The following SHANK2 variants were observed in gnomAD, a reference collection of about 807,000 sequenced individuals.
SHANK2 encodes the protein SH3 and multiple ankyrin repeat domains 2.
A neutral mutation model predicts 133.7 loss-of-function variants in SHANK2; 43 were observed. The observed-to-expected ratio is 0.32, with a 90% CI of 0.25 to 0.41. SHANK2 has a LOEUF of 0.41. SHANK2 is among the 10% of genes least tolerant of loss of function. SHANK2 has a pLI of 1.00. For synonymous variants in SHANK2, 1,017 were observed against 952.8 expected (o/e 1.07, Z -1.24); for missense variants, 1,994 against 2,235.8 (o/e 0.89, Z 2.18).
intron 15 of SHANK2, among the ~76,000 whole-genome samples, chr11:70,679,030 G>A (rs747199422): frequency 2.6e-4 from 40 of 152,132 alleles, no homozygotes; most frequent in African/African-American, 5.5e-4. Context: ...TTCCTCCCCC[G>A]CCCTCACATG....
At chr11:70,575,986 T>C (rs542919941) in intron 17 of SHANK2, among the ~76,000 whole-genome samples, 36 of 152,104 alleles carry the variant, frequency 2.4e-4, no homozygotes, top group Admixed American at 1.8e-3. Flanking sequence ...CACCTGAGCA[T>C]TGAGAGTCAG....
chr11:70,889,318 C>T (rs1479997370), intron 11 of SHANK2, among the ~76,000 whole-genome samples: 1 of 152,178 alleles, frequency 6.6e-6, no homozygotes, highest in Non-Finnish European at 1.5e-5. Flanking sequence ...AGGAAGGATT[C>T]CTCCCTTGGG....
chr11:70,695,861 C>G (rs1945381296), intron 15 of SHANK2, among the ~76,000 whole-genome samples: 1 of 152,226 alleles, frequency 6.6e-6, no homozygotes, highest in Non-Finnish European at 1.5e-5. Flanking sequence ...ATGAGGCCCA[C>G]AGCTTGTCTG....
At chr11:70,544,522 C>G (rs775066731) in intron 17 of SHANK2, among the ~76,000 whole-genome samples, 15 of 152,158 alleles carry the variant, frequency 9.9e-5, no homozygotes, top group Non-Finnish European at 1.5e-4. Context: ...GTATGGTTCA[C>G]CAGGGCCCAA....
Position 71,201,703 on chromosome 11 carries a change from G to A in SHANK2, c.-13+22994C>T, listed in dbSNP as rs568716194. On this transcript the variant is annotated intron_variant, in intron 2 of 25. Transcript: ENST00000601538. ...TTCACGGCCACAGAGTGGGTACAAA[G>A]CAGAGACTTGTCCACGCCCAGCACA... 2.6e-5 allele frequency among the ~76,000 whole-genome samples: 4 copies of A among 152,330 alleles called. No homozygotes were observed. In the South Asian group the frequency reaches 8.3e-4, roughly 32 times the overall value.
intron 11 of SHANK2, among the ~76,000 whole-genome samples, chr11:70,845,358 G>A (rs142974474): frequency 5.9e-5 from 9 of 152,272 alleles, no homozygotes; most frequent in Admixed American, 3.9e-4. Context: ...ATAATTTCAC[G>A]CTGAAGGACT....
At position 70,890,528 on chromosome 11, in the gene SHANK2, G is replaced by T. The variant is rs555595295; in HGVS notation, c.1174+5973C>A. 7.3e-5 allele frequency among the ~76,000 whole-genome samples: 11 copies of T among 151,686 alleles called. No individual in the cohort carries two copies. In the South Asian group the frequency reaches 2.3e-3, roughly 32 times the overall value. On this transcript the variant is annotated intron_variant, in intron 11 of 25. Transcript: ENST00000601538. ...AAACAAAAAAACAGAGGCCAGGCAT[G>T]GTGGCTCAGGCCTGTAATCCCAGTA...
At chr11:70,583,697 G>A (rs906494518) in intron 17 of SHANK2, among the ~76,000 whole-genome samples, 8 of 152,166 alleles carry the variant, frequency 5.3e-5, no homozygotes, top group Admixed American at 2.6e-4. Context: ...TCCACTCCAC[G>A]CTCACTGTCA....
rs191865894 is a variant in SHANK2, at chr11:70,955,251, C to T, written c.1108-58684G>A. Among the ~76,000 whole-genome samples, 10 of 152,224 alleles carry T rather than the reference C, an allele frequency of 6.6e-5. No homozygotes were observed. In the East Asian group the frequency reaches 1.5e-3, roughly 24 times the overall value. On this transcript the variant is annotated intron_variant, in intron 10 of 25. Coordinates refer to ENST00000601538, the MANE Select transcript of SHANK2 (RefSeq NM_012309.5). ...CCTGGAGACCGACAGAATGACAGCA[C>T]GTGGGGAGAAGGCTGCCCTCTCCAA...
intron 15 of SHANK2, among the ~76,000 whole-genome samples, chr11:70,686,055 C>A (rs1337533914): frequency 6.8e-6 from 1 of 146,058 alleles, no homozygotes; most frequent in Non-Finnish European, 1.5e-5. Flanking sequence ...ATCCACACAC[C>A]CATCCAGCTC....
chr11:70,946,334 G>GCTC (rs1950733964), intron 10 of SHANK2, among the ~76,000 whole-genome samples: 1 of 141,762 alleles, frequency 7.1e-6, no homozygotes. Flanking sequence ...CACTTCCCAG[G>GCTC]ATCAGCCTCC....
At chr11:70,703,531 G>A (rs557376190) in intron 14 of SHANK2, among the ~76,000 whole-genome samples, 35 of 152,304 alleles carry the variant, frequency 2.3e-4, no homozygotes, top group African/African-American at 7.7e-4. Flanking sequence ...TGGCCCCCTG[G>A]GACTTGCTGT....
rs573235216 is a variant in SHANK2, at chr11:70,848,650, C to G, written c.1175-27968G>C. Among the ~76,000 whole-genome samples, 6 of 152,286 alleles carry G rather than the reference C, an allele frequency of 3.9e-5. No individual in the cohort carries two copies. In the East Asian group the frequency reaches 1.2e-3, roughly 29 times the overall value. ...CTTCCAATGCGATTTGACCACAGAC[C>G]TGTGCTTTGCAGAGCAGCCACGGCA... On this transcript the variant is annotated intron_variant, in intron 11 of 25. Transcript: ENST00000601538.
intron 1 of SHANK2, among the ~76,000 whole-genome samples, chr11:71,232,522 T>TCTC (rs1282074964): frequency 6.6e-6 from 1 of 150,916 alleles, no homozygotes; most frequent in African/African-American, 2.4e-5. Context: ...ACCAACCCCT[T>TCTC]CTCCTCCTCC....
chr11:70,554,392 A>T (rs2059804457), intron 17 of SHANK2, among the ~76,000 whole-genome samples: 1 of 152,196 alleles, frequency 6.6e-6, no homozygotes, highest in African/African-American at 2.4e-5. Flanking sequence ...CCTCTCGGAT[A>T]ATGGGTTCCC....
At chr11:71,074,035 C>T (rs1457516326) in intron 9 of SHANK2, among the ~76,000 whole-genome samples, 1 of 152,170 alleles carries the variant, frequency 6.6e-6, no homozygotes, top group Non-Finnish European at 1.5e-5. Context: ...ACTGACCAGA[C>T]CTGAGTCTTG....
intron 15 of SHANK2, among the ~76,000 whole-genome samples, chr11:70,692,525 C>A (rs1945311469): frequency 6.6e-6 from 1 of 152,210 alleles, no homozygotes; most frequent in Admixed American, 6.5e-5. Context: ...CCGGTGATTT[C>A]TCAGCGTCTT....
At chr11:71,146,782 G>A (rs4423208) in intron 3 of SHANK2, among the ~76,000 whole-genome samples, 58,062 of 151,982 alleles carry the variant, frequency 0.38, 11,318 homozygotes, top group East Asian at 0.53. Context: ...TGCACCTGCC[G>A]CCCGGGTTTT....
chr11:70,861,621 C>T (rs991032160), intron 11 of SHANK2, among the ~76,000 whole-genome samples: 16 of 152,174 alleles, frequency 1.1e-4, no homozygotes, highest in African/African-American at 3.9e-4. Flanking sequence ...GAGTTGGCCT[C>T]CTCTACGAGC....
Sources: gnomAD v4.1 joint callset for allele counts (sites outside exome capture counted in the v4.1 genomes callset) on GRCh38, gnomAD v4.1.1 for gene constraint, MANE v1.5 for transcripts, NCBI Gene and HGNC (gene_info 2026-07-23, HGNC 2026-07-21) for gene names.